The following ANKRD30B variants were observed in gnomAD, a reference collection of about 807,000 sequenced individuals.
ANKRD30B encodes the protein ankyrin repeat domain-containing protein 30B.
ANKRD30B carries 144 observed loss-of-function variants against 202.2 expected under a neutral mutation model. The observed-to-expected ratio is 0.71, with a 90% CI of 0.62 to 0.82. ANKRD30B has a LOEUF of 0.82. ANKRD30B is among the 40% of genes least tolerant of loss of function. ANKRD30B has a pLI of 0.00. For missense variants in ANKRD30B, 1,487 were observed against 1,669.1 expected (o/e 0.89, Z 1.90); for synonymous variants, 508 against 561.3 (o/e 0.91, Z 1.34).
rs182636614 is a variant in ANKRD30B, at chr18:14,758,971, A to C, written c.755+1019A>C. Among the ~76,000 whole-genome samples the C allele has an allele frequency of 1.9e-3, 284 of 152,260 alleles. 2 individuals carry two copies. Among genetic ancestry groups the C allele is most frequent in the Non-Finnish European group, 2.8e-3 (193 of 68,008 alleles). ...CTTTCCAAAGTTGTAGTGGGTTCCA[A>C]CTTGTGGTTGTTCCCTCAAGTGATT... On this transcript the variant is annotated intron_variant, in intron 5 of 43. Transcript: ENST00000690538.
At chr18:14,757,330 G>T (rs1914529440) in intron 4 of ANKRD30B, among the ~76,000 whole-genome samples, 1 of 152,142 alleles carries the variant, frequency 6.6e-6, no homozygotes, top group Non-Finnish European at 1.5e-5. Flanking sequence ...AAGGATGATT[G>T]TGTTGAAGTA....
chr18:14,918,656 GAAA>G, the ANKRD30B span, among the ~76,000 whole-genome samples: 1 of 151,920 alleles, frequency 6.6e-6, no homozygotes, highest in Non-Finnish European at 1.5e-5. Flanking sequence ...CCCTCATCAA[GAAA>G]AAAACTGTAA....
At chr18:14,837,349 C>T in intron 35 of ANKRD30B, 60 bp downstream of exon 35, 1 of 1,405,360 alleles carries the variant, frequency 7.1e-7, no homozygotes, top group Non-Finnish European at 9.7e-7. Context: ...GTGAATATCT[C>T]TGAAAATTTT....
the ANKRD30B span, among the ~76,000 whole-genome samples, chr18:14,866,651 C>T: frequency 6.6e-6 from 1 of 152,128 alleles, no homozygotes; most frequent in Non-Finnish European, 1.5e-5. Flanking sequence ...TAGGTGCGCT[C>T]TCTGCAGCTG....
Position 14,776,521 on chromosome 18 carries a change from A to AGG in ANKRD30B, c.1330-1464_1330-1463insGG, listed in dbSNP as rs1276111934. Among the ~76,000 whole-genome samples, 306 of 152,288 alleles carry AGG rather than the reference A, an allele frequency of 2.0e-3. 1 individual carries two copies. The highest frequency in any genetic ancestry group is 6.8e-3 in the Middle Eastern group (2 of 294). On this transcript the variant is annotated intron_variant, in intron 9 of 43. Transcript: ENST00000690538. ...TAGGAGGAAGACATTCTGAACAGAG[A>AGG]ACAGTGGACCATATTTGTTCATCAT...
intron 28 of ANKRD30B, among the ~76,000 whole-genome samples, chr18:14,810,886 G>T (rs1046598264): frequency 6.6e-6 from 1 of 151,192 alleles, no homozygotes; most frequent in African/African-American, 2.4e-5. Context: ...GACCAAGGTG[G>T]GCAGATTACT....
Position 14,840,608 on chromosome 18 carries a change from A to G in ANKRD30B, c.3009A>G (p.Thr1003=). The G allele has an allele frequency of 6.6e-7, 1 of 1,510,554 alleles. No homozygotes were observed. Among genetic ancestry groups the G allele is most frequent in the East Asian group, 2.5e-5 (1 of 40,304 alleles). 93.6% of individuals were successfully genotyped at this position (1,510,554 alleles called of 1,614,324 possible). The change falls in exon 37 of 44, where the codon ACA becomes ACG. Residue 1003 remains threonine, a synonymous_variant. Transcript: ENST00000690538. ...SDSEIISVSD[T]QNYECLPEAT... ...AACAGATTATCTCTGTGAGTGATAC[A>G]CAGAATTATGAGTGTTTACCTGAGG... is the stretch of plus-strand genomic sequence containing the variant.
chr18:14,793,757 G>T (rs1968682604), intron 16 of ANKRD30B, among the ~76,000 whole-genome samples: 1 of 151,840 alleles, frequency 6.6e-6, no homozygotes, highest in African/African-American at 2.4e-5. Flanking sequence ...AGCCGGGCGT[G>T]GCGGTGGGTG....
the ANKRD30B span, among the ~76,000 whole-genome samples, chr18:14,884,306 C>T: frequency 1.3e-5 from 2 of 151,406 alleles, no homozygotes; most frequent in Non-Finnish European, 2.9e-5. Context: ...AGGTGGATCC[C>T]TTTCTGAGTT....
intron 20 of ANKRD30B, among the ~76,000 whole-genome samples, 178 bp from the exon 21 acceptor site, chr18:14,798,923 G>A (rs760974437): frequency 6.6e-6 from 1 of 152,052 alleles, no homozygotes; most frequent in Non-Finnish European, 1.5e-5. Flanking sequence ...GTTTCAGGGG[G>A]TCTCCCTACA....
At chr18:14,884,552 C>T in the ANKRD30B span, among the ~76,000 whole-genome samples, 2 of 151,652 alleles carry the variant, frequency 1.3e-5, no homozygotes, top group South Asian at 2.1e-4. Context: ...TTATTTTCAT[C>T]TCACATTTCA....
rs1568066588 is a variant in ANKRD30B, at chr18:14,840,620, G to A, written c.3021G>A (p.Glu1007=). ...IISVSDTQNY[E]CLPEATYQKE... is the part of the protein sequence containing the mutation. Reference sequence around the variant, plus strand: ...CTGTGAGTGATACACAGAATTATGAGTGTTTACCTGAGGCTACATATCAAA... The same window carrying A: ...CTGTGAGTGATACACAGAATTATGAATGTTTACCTGAGGCTACATATCAAA... The change falls in exon 37 of 44, where the codon GAG becomes GAA. Residue 1007 remains glutamate, a synonymous_variant. Transcript: ENST00000690538. 1 of 1,533,394 alleles carries A rather than the reference G, an allele frequency of 6.5e-7. No individual in the cohort carries two copies. Among genetic ancestry groups the A allele is most frequent in the Non-Finnish European group, 8.8e-7 (1 of 1,135,058 alleles). The allele number at this position is 1,533,394 out of a possible 1,614,324, so 95.0% of individuals were successfully genotyped here. A position where few individuals can be genotyped will look rare whatever the true frequency, so the allele number is the denominator to read the frequency against.
Position 14,851,566 on chromosome 18 carries a change from A to G in ANKRD30B, c.3622A>G (p.Lys1208Glu). 2 of 1,584,820 alleles carry G rather than the reference A, an allele frequency of 1.3e-6. No individual in the cohort carries two copies. Among genetic ancestry groups the G allele is most frequent in the Non-Finnish European group, 1.7e-6 (2 of 1,171,594 alleles). Reference protein sequence around the residue: ...DLFHENCMLKKEIAMLKLEVA... With the variant: ...DLFHENCMLKEEIAMLKLEVA... Reference sequence around the variant, plus strand: ...CTTTCATGAAAATTGCATGTTGAAAAAGGAAATTGCCATGCTAAAACTGGA... The same window carrying G: ...CTTTCATGAAAATTGCATGTTGAAAGAGGAAATTGCCATGCTAAAACTGGA... Residue 1208 changes from lysine to glutamate, a missense_variant, in exon 42 of 44, where the codon AAG becomes GAG. Lys to Glu is a moderately conservative substitution (Grantham distance 56). This residue lies in a region of ANKRD30B where 177 missense variants were observed against 216.4 expected (regional missense o/e 0.82). Transcript: ENST00000690538.
chr18:14,881,803 G>T, the ANKRD30B span, among the ~76,000 whole-genome samples: 4 of 151,828 alleles, frequency 2.6e-5, no homozygotes, highest in Non-Finnish European at 5.9e-5. Flanking sequence ...TCTGCTTGGG[G>T]TATCTAATTC....
chr18:14,772,057 G>A (rs1967035008), intron 8 of ANKRD30B, 99 bp from the exon 9 acceptor site: 3 of 676,578 alleles, frequency 4.4e-6, no homozygotes, highest in Non-Finnish European at 6.7e-6. Flanking sequence ...TTTGTTTTTT[G>A]TTTTCATTTT....
chr18:14,824,336 A>G (rs1970578888), intron 32 of ANKRD30B, among the ~76,000 whole-genome samples: 1 of 152,200 alleles, frequency 6.6e-6, no homozygotes, highest in Non-Finnish European at 1.5e-5. Context: ...AAAATATTTA[A>G]AATACTGGAA....
the ANKRD30B span, among the ~76,000 whole-genome samples, chr18:14,869,290 G>A: frequency 0.97 from 147,362 of 151,524 alleles, 71,808 homozygotes; most frequent in Middle Eastern, 1. Flanking sequence ...GTCCTTAGAC[G>A]GTCATCTTAC....
chr18:14,833,674 A>G (rs1291839115), intron 34 of ANKRD30B, among the ~76,000 whole-genome samples: 1 of 152,202 alleles, frequency 6.6e-6, no homozygotes, highest in Non-Finnish European at 1.5e-5. Context: ...TAAAATCTTT[A>G]TTACACAAGT....
At chr18:14,790,785 G>C (rs532204164) in intron 15 of ANKRD30B, among the ~76,000 whole-genome samples, 1 of 151,766 alleles carries the variant, frequency 6.6e-6, no homozygotes, top group Non-Finnish European at 1.5e-5. Flanking sequence ...TGCTGGATTC[G>C]GTTTGCCAGT....
Sources: allele counts gnomAD v4.1 joint callset (sites outside exome capture counted in the v4.1 genomes callset), GRCh38; gene constraint gnomAD v4.1.1; regional missense constraint gnomAD v4.1.1; transcripts MANE v1.5; gene names NCBI Gene and HGNC (gene_info 2026-07-23, HGNC 2026-07-21).